LRMDA: variants seen among roughly 807,000 people sequenced by gnomAD.
The protein encoded by LRMDA is leucine rich melanocyte differentiation associated, also known as leucine-rich melanocyte differentiation-associated protein.
A neutral mutation model predicts 29.8 loss-of-function variants in LRMDA; 18 were observed. The observed-to-expected ratio is 0.60, with a 90% CI of 0.42 to 0.90. The LOEUF (loss-of-function observed/expected upper bound fraction) is 0.90. LRMDA is among the 40% of genes least tolerant of loss of function. The pLI is 0.00. For synonymous variants in LRMDA, 125 were observed against 109.4 expected, an observed-to-expected ratio of 1.14 and a Z score of -0.89; for missense variants, 273 against 273.9, an observed-to-expected ratio of 1.00 and a Z score of 0.02.
chr10:75,879,268 C>T (rs1047184064), intron 2 of LRMDA, among the ~76,000 whole-genome samples: 3 of 152,198 alleles, frequency 2.0e-5, no homozygotes, highest in African/African-American at 7.2e-5. Flanking sequence ...GGAGAAGGAT[C>T]GGACCTCCCG....
chr10:76,537,579 C>G (rs540478347), intron 6 of LRMDA, among the ~76,000 whole-genome samples: 4 of 152,182 alleles, frequency 2.6e-5, no homozygotes, highest in Admixed American at 2.6e-4. Context: ...GCCCCTTCCT[C>G]CATTTTCAGA....
At chr10:76,377,137 G>C (rs529617069) in intron 6 of LRMDA, among the ~76,000 whole-genome samples, 1 of 151,634 alleles carries the variant, frequency 6.6e-6, no homozygotes, top group Non-Finnish European at 1.5e-5. Flanking sequence ...TGCCCACCTC[G>C]GCCTCCCAAA....
chr10:76,524,775 C>CA (rs1843157274), intron 6 of LRMDA, among the ~76,000 whole-genome samples: 1 of 152,182 alleles, frequency 6.6e-6, no homozygotes, highest in South Asian at 2.1e-4. Flanking sequence ...AGGAAATTGC[C>CA]AGTGGCAGTG....
rs1158722184 is a variant in LRMDA, at chr10:76,207,346, A to G, written c.517-117055A>G. Among the ~76,000 whole-genome samples the G allele has an allele frequency of 2.0e-5, 3 of 152,116 alleles. No homozygotes were observed. The East Asian group carries it at 5.8e-4, about 29-fold the overall frequency. On this transcript the variant is annotated intron_variant, in intron 5 of 6. Transcript: ENST00000611255. ...GCCTTTAAGACATTCTGTTTCTAAGACTGAGGACCACTGCCACAAGTCTCA... is the reference window on the plus strand; with the variant it reads ...GCCTTTAAGACATTCTGTTTCTAAGGCTGAGGACCACTGCCACAAGTCTCA...
Position 76,034,092 on chromosome 10 carries a change from T to G in LRMDA, c.132-1916T>G, listed in dbSNP as rs142612824. Among the ~76,000 whole-genome samples, 203 of 152,226 alleles carry G rather than the reference T, an allele frequency of 1.3e-3. 1 individual carries two copies. The highest frequency in any genetic ancestry group is 2.1e-3 in the Non-Finnish European group (141 of 68,006). On this transcript the variant is annotated intron_variant, in intron 2 of 6. Transcript: ENST00000611255. ...GAACAGGAGAGTTCAGATGGGCTAT[T>G]GACAGGCCCAAATTCACACAACAGG...
intron 5 of LRMDA, among the ~76,000 whole-genome samples, chr10:76,235,547 T>C (rs559273282): frequency 6.6e-6 from 1 of 152,126 alleles, no homozygotes; most frequent in African/African-American, 2.4e-5. Context: ...CTGGGAAAGA[T>C]GAATGGGCCC....
intron 2 of LRMDA, among the ~76,000 whole-genome samples, chr10:75,742,400 C>T (rs1002619561): frequency 6.6e-6 from 1 of 152,160 alleles, no homozygotes; most frequent in Non-Finnish European, 1.5e-5. Context: ...CAAGGCCACC[C>T]AGGTGGCAAA....
chr10:76,087,974 A>C (rs1589321257), intron 5 of LRMDA, among the ~76,000 whole-genome samples: 1 of 152,038 alleles, frequency 6.6e-6, no homozygotes, highest in East Asian at 1.9e-4. Context: ...ACAAACAAAA[A>C]ATTATCTGGA....
chr10:75,661,025 T>C (rs1369247749), intron 2 of LRMDA, among the ~76,000 whole-genome samples: 1 of 152,136 alleles, frequency 6.6e-6, no homozygotes, highest in East Asian at 1.9e-4. Flanking sequence ...CAGAGAAGGC[T>C]ACCCAGATTC....
intron 5 of LRMDA, among the ~76,000 whole-genome samples, chr10:76,151,539 G>A (rs749006089): frequency 5.9e-5 from 9 of 152,054 alleles, no homozygotes; most frequent in Non-Finnish European, 1.3e-4. Context: ...ACATATCAGG[G>A]GCCAAACAGA....
chr10:75,860,275 G>A (rs1385452683), intron 2 of LRMDA, among the ~76,000 whole-genome samples: 1 of 142,488 alleles, frequency 7.0e-6, no homozygotes, highest in Non-Finnish European at 1.5e-5. Flanking sequence ...CTCGATTCCT[G>A]TGTTCTTGGA....
In LRMDA at chr10:75,441,633, G is replaced by A. The variant is rs373830212; in HGVS notation, c.131+3139G>A. Among the ~76,000 whole-genome samples the A allele has an allele frequency of 2.6e-5, 4 of 152,014 alleles. No individual in the cohort carries two copies. In the South Asian group the frequency reaches 8.3e-4, roughly 32 times the overall value. On this transcript the variant is annotated intron_variant, in intron 2 of 6. Coordinates refer to ENST00000611255, the MANE Select transcript of LRMDA (RefSeq NM_001305581.2). ...TGTGACTAATGCCTCTTTCTCCCAG[G>A]CCCTTTCTCTCTTTTCCATGCCACT...
intron 2 of LRMDA, among the ~76,000 whole-genome samples, chr10:75,810,754 C>T (rs959740484): frequency 1.6e-4 from 25 of 152,094 alleles, no homozygotes; most frequent in African/African-American, 6.0e-4. Context: ...CCTTTGCAAC[C>T]TCTAAGTGAG....
rs185841093 is a variant in LRMDA at position 76,267,227 on chromosome 10, T to C, written c.517-57174T>C. ...TTTTTGTTTTTTTTAAACAGCTATT[T>C]TGAGGTATAATTCACATACTATATT... On this transcript the variant is annotated intron_variant, in intron 5 of 6. Transcript: ENST00000611255. Among the ~76,000 whole-genome samples the C allele has an allele frequency of 7.1e-4, 108 of 152,268 alleles. 4 individuals carry two copies. Among genetic ancestry groups the C allele is most frequent in the Admixed American group, 5.4e-3 (82 of 15,290 alleles).
intron 6 of LRMDA, among the ~76,000 whole-genome samples, chr10:76,399,967 A>G (rs1241890345): frequency 1.3e-5 from 2 of 152,176 alleles, no homozygotes; most frequent in Non-Finnish European, 1.5e-5. Flanking sequence ...TCTGGTGTTC[A>G]TACCCTTGTG....
intron 5 of LRMDA, among the ~76,000 whole-genome samples, chr10:76,073,842 C>T (rs182335129): frequency 6.6e-6 from 1 of 152,248 alleles, no homozygotes; most frequent in Admixed American, 6.5e-5. Context: ...AGAAGCAAGG[C>T]TTAGATTCTG....
intron 2 of LRMDA, among the ~76,000 whole-genome samples, chr10:75,971,293 C>T (rs1163489966): frequency 6.6e-6 from 1 of 152,152 alleles, no homozygotes; most frequent in African/African-American, 2.4e-5. Context: ...CTGCTGTTTT[C>T]CCTTCTCTCC....
intron 2 of LRMDA, among the ~76,000 whole-genome samples, chr10:75,571,333 C>T (rs952706453): frequency 3.3e-5 from 5 of 152,162 alleles, no homozygotes; most frequent in Admixed American, 2.6e-4. Flanking sequence ...TGTTCTGCCA[C>T]ATTGTGTGGA....
intron 2 of LRMDA, among the ~76,000 whole-genome samples, chr10:75,794,627 T>G: frequency 6.6e-6 from 1 of 152,298 alleles, no homozygotes; most frequent in South Asian, 2.1e-4. Context: ...TTGACTATAT[T>G]TATTCTATTA....
Sources: allele counts gnomAD v4.1 joint callset (sites outside exome capture counted in the v4.1 genomes callset), GRCh38; gene constraint gnomAD v4.1.1; transcripts MANE v1.5; gene names NCBI Gene and HGNC (gene_info 2026-07-23, HGNC 2026-07-21).